The following CDC42SE2 variants were observed in gnomAD, a reference collection of about 807,000 sequenced individuals.
CDC42SE2 encodes CDC42 small effector protein 2.
Under a neutral mutation model 11.5 loss-of-function variants are expected in CDC42SE2, and 3 were observed. That is an observed-to-expected ratio of 0.26 (90% confidence interval 0.12 to 0.67). The LOEUF (loss-of-function observed/expected upper bound fraction) is 0.67. Ranked by LOEUF, CDC42SE2 falls within the 30% of genes least tolerant of loss-of-function variation. CDC42SE2 has a pLI of 0.80. For missense variants in CDC42SE2, 82 were observed against 106.8 expected, an observed-to-expected ratio of 0.77 and a Z score of 1.02; for synonymous variants, 33 against 34.8, an observed-to-expected ratio of 0.95 and a Z score of 0.18.
At chr5:131,214,499 T>C in the CDC42SE2 span, among the ~76,000 whole-genome samples, 20 of 152,278 alleles carry the variant, frequency 1.3e-4, 1 homozygote, top group South Asian at 3.3e-3. Flanking sequence ...GCCTTTTTTT[T>C]CCCCTCTTAT....
chr5:131,252,192 A>C (rs1756646024), intron 1 of CDC42SE2, among the ~76,000 whole-genome samples: 1 of 152,188 alleles, frequency 6.6e-6, no homozygotes, highest in African/African-American at 2.4e-5. Context: ...AAGGATAATT[A>C]ATTAAAGTAA....
intron 2 of CDC42SE2, among the ~76,000 whole-genome samples, chr5:131,348,893 G>C (rs1758925717): frequency 6.6e-6 from 1 of 152,190 alleles, no homozygotes; most frequent in Non-Finnish European, 1.5e-5. Context: ...ATGGGGAAAG[G>C]ATTCCCTGTT....
intron 1 of CDC42SE2, among the ~76,000 whole-genome samples, chr5:131,277,318 C>T (rs528574730): frequency 6.6e-6 from 1 of 152,250 alleles, no homozygotes; most frequent in Non-Finnish European, 1.5e-5. Context: ...CCTACTTTAA[C>T]TTCATAATGT....
intron 1 of CDC42SE2, among the ~76,000 whole-genome samples, chr5:131,280,540 T>C (rs978377687): frequency 6.6e-6 from 1 of 152,190 alleles, no homozygotes; most frequent in African/African-American, 2.4e-5. Flanking sequence ...ACAATGGTGT[T>C]TATAGAGAGT....
At chr5:131,245,984 CAAG>C (rs1756578028) in intron 1 of CDC42SE2, among the ~76,000 whole-genome samples, 2 of 152,140 alleles carry the variant, frequency 1.3e-5, no homozygotes, top group African/African-American at 4.8e-5. Flanking sequence ...GTAGTTTGTT[CAAG>C]AAGAACTCAC....
intron 1 of CDC42SE2, among the ~76,000 whole-genome samples, chr5:131,253,598 C>T (rs1756657599): frequency 6.6e-6 from 1 of 152,084 alleles, no homozygotes; most frequent in Non-Finnish European, 1.5e-5. Context: ...AACCCTATCT[C>T]TATTAAAAAT....
chr5:131,306,213 T>C (rs961268919), intron 1 of CDC42SE2, among the ~76,000 whole-genome samples: 4 of 152,238 alleles, frequency 2.6e-5, no homozygotes, highest in Non-Finnish European at 5.9e-5. Context: ...CCATGCTGTA[T>C]ATGCTACCTG....
chr5:131,323,656 C>T (rs769770145), intron 2 of CDC42SE2, among the ~76,000 whole-genome samples: 2 of 134,344 alleles, frequency 1.5e-5, no homozygotes, highest in Non-Finnish European at 3.1e-5. Context: ...TAATTCTTTT[C>T]TCTGACACAG....
At chr5:131,332,893 A>G (rs1047366389) in intron 2 of CDC42SE2, among the ~76,000 whole-genome samples, 10 of 152,164 alleles carry the variant, frequency 6.6e-5, no homozygotes, top group African/African-American at 2.4e-4. Context: ...AGTAGGTTGC[A>G]AAAATTTTCT....
At position 131,388,699 on chromosome 5, in the gene CDC42SE2, T is replaced by G. The variant is rs146523544; in HGVS notation, c.157-2294T>G. 1.8e-4 allele frequency among the ~76,000 whole-genome samples: 27 copies of G among 152,348 alleles called. 1 individual carries two copies. The East Asian group carries it at 5.2e-3, about 29-fold the overall frequency. ...ATTGTCTCAACACTGAAAGATTACTTATTAAAGTTACTTAATAAAGGTTAC... is the reference window on the plus strand; with the variant it reads ...ATTGTCTCAACACTGAAAGATTACTGATTAAAGTTACTTAATAAAGGTTAC... On this transcript the variant is annotated intron_variant, in intron 4 of 4. Transcript: ENST00000505065.
chr5:131,307,065 A>AT (rs997757551), intron 1 of CDC42SE2, among the ~76,000 whole-genome samples: 166 of 150,724 alleles, frequency 1.1e-3, no homozygotes, highest in African/African-American at 3.8e-3. Flanking sequence ...TTTTTTTTTA[A>AT]TTTTTTTATT....
At chr5:131,215,313 G>A in the CDC42SE2 span, among the ~76,000 whole-genome samples, 3 of 152,184 alleles carry the variant, frequency 2.0e-5, no homozygotes, top group East Asian at 5.8e-4. Flanking sequence ...TATTTTAATT[G>A]CAAGTAACAG....
At chr5:131,217,693 C>T in the CDC42SE2 span, among the ~76,000 whole-genome samples, 1 of 152,098 alleles carries the variant, frequency 6.6e-6, no homozygotes, top group Non-Finnish European at 1.5e-5. Context: ...CACAAAAAAG[C>T]ATTAACTATA....
chr5:131,278,645 C>T (rs1757155557), intron 1 of CDC42SE2, among the ~76,000 whole-genome samples: 1 of 144,078 alleles, frequency 6.9e-6, no homozygotes, highest in Non-Finnish European at 1.5e-5. Flanking sequence ...GGCAGTGGGA[C>T]CATATGAAAT....
At chr5:131,351,705 G>T (rs965828412) in intron 2 of CDC42SE2, among the ~76,000 whole-genome samples, 1 of 151,968 alleles carries the variant, frequency 6.6e-6, no homozygotes, top group South Asian at 2.1e-4. Flanking sequence ...CAGATTATAG[G>T]TATAAAAATA....
chr5:131,335,628 C>G (rs1758538322), intron 2 of CDC42SE2, among the ~76,000 whole-genome samples: 1 of 152,182 alleles, frequency 6.6e-6, no homozygotes, highest in Non-Finnish European at 1.5e-5. Flanking sequence ...CACTTAAGGA[C>G]TTGCTTTATG....
At chr5:131,259,120 C>G (rs1756703301), upstream of CDC42SE2, among the ~76,000 whole-genome samples, 1 of 151,298 alleles carries the variant, frequency 6.6e-6, no homozygotes, top group Non-Finnish European at 1.5e-5. Flanking sequence ...TTTTCTCAAT[C>G]TTCCCAAATC....
chr5:131,275,869 ACT>A (rs955861299), intron 1 of CDC42SE2, among the ~76,000 whole-genome samples: 3 of 150,892 alleles, frequency 2.0e-5, no homozygotes, highest in Non-Finnish European at 4.4e-5. Context: ...CTGCCTAGTT[ACT>A]CTCCTTTCAA....
chr5:131,216,501 C>CAAAAAAAAAAAAAAAAAAAA, the CDC42SE2 span, among the ~76,000 whole-genome samples: 16 of 42,164 alleles, frequency 3.8e-4, 1 homozygote, highest in African/African-American at 1.6e-3. Flanking sequence ...GAACCTGTCT[C>CAAAAAAAAAAAAAAAAAAAA]AAAAAAAAAA....
Sources: allele counts gnomAD v4.1 joint callset (sites outside exome capture counted in the v4.1 genomes callset), GRCh38; gene constraint gnomAD v4.1.1; transcripts MANE v1.5; gene names NCBI Gene and HGNC (gene_info 2026-07-23, HGNC 2026-07-21).